The following FGGY variants were observed in gnomAD, a reference collection of about 807,000 sequenced individuals.
FGGY encodes FGGY carbohydrate kinase domain-containing protein.
A neutral mutation model predicts 71.3 loss-of-function variants in FGGY; 72 were observed. The ratio of observed to expected loss-of-function variants is 1.01; its 90% CI spans 0.84 to 1.23. The LOEUF is 1.23. Ranked by LOEUF, FGGY falls within the 50% of genes most tolerant of loss-of-function variation. The pLI, the probability that FGGY is intolerant of heterozygous loss-of-function variation, is 0.00. For synonymous variants in FGGY, 251 were observed against 250.3 expected, an observed-to-expected ratio of 1.00 and a Z score of -0.02; for missense variants, 668 against 682.3, an observed-to-expected ratio of 0.98 and a Z score of 0.23.
In FGGY at chr1:59,512,392, G is replaced by A. The variant is rs753374977; in HGVS notation, c.752G>A (p.Gly251Glu). The change falls in exon 7 of 16, where the codon GGG (glycine) becomes GAG (glutamate). Residue 251 changes from glycine to glutamate, a missense_variant. Transcript: ENST00000303721. ...EAARDLGLLP[G>E]IAVAASLIDA... Reference sequence around the variant, plus strand: ...GCAAGAGACCTTGGCCTTCTCCCTGGGATTGCGGTCGCAGCTTCACTCATT... The same window carrying A: ...GCAAGAGACCTTGGCCTTCTCCCTGAGATTGCGGTCGCAGCTTCACTCATT... 17 of 1,613,726 alleles carry A rather than the reference G, an allele frequency of 1.1e-5. No homozygotes were observed. The highest frequency in any genetic ancestry group is 2.7e-5 in the African/African-American group (2 of 74,916).
chr1:59,309,011 G>A (rs972125682), intron 1 of FGGY, among the ~76,000 whole-genome samples: 1 of 152,008 alleles, frequency 6.6e-6, no homozygotes, highest in Non-Finnish European at 1.5e-5. Context: ...AAAGGTTGTG[G>A]TGGATTTTTT....
At chr1:59,645,384 C>T (rs2097083584) in intron 11 of FGGY, among the ~76,000 whole-genome samples, 1 of 152,146 alleles carries the variant, frequency 6.6e-6, no homozygotes, top group Admixed American at 6.5e-5. Context: ...CTTTTGAACC[C>T]TGAGCAGCCA....
chr1:59,380,932 A>G (rs1298496849), intron 5 of FGGY, among the ~76,000 whole-genome samples: 1 of 148,018 alleles, frequency 6.8e-6, no homozygotes, highest in Non-Finnish European at 1.5e-5. Flanking sequence ...TAGTTCTAAC[A>G]TGTAAGTCTT....
chr1:59,582,061 C>A lies in FGGY; in HGVS notation c.904-25742C>A, dbSNP rs141553385. Among the ~76,000 whole-genome samples the A allele has an allele frequency of 1.4e-3, 214 of 149,318 alleles. 21 individuals carry two copies. The highest frequency in any genetic ancestry group is 5.4e-3 in the African/African-American group (210 of 39,224). The stretch of plus-strand genomic sequence containing the variant: ...GCCAGGAGTTTGAGACCAGCCTGGG[C>A]AACATAGTGAGACCCTTCTCTCTTA... On this transcript the variant is annotated intron_variant, in intron 8 of 15. Transcript: ENST00000303721.
At chr1:59,595,886 G>T (rs528402579) in intron 8 of FGGY, among the ~76,000 whole-genome samples, 13 of 152,022 alleles carry the variant, frequency 8.6e-5, no homozygotes, top group Non-Finnish European at 1.9e-4. Flanking sequence ...TTAAAATCAG[G>T]CCTGCTTCAC....
chr1:59,363,737 C>T (rs547609259), intron 4 of FGGY, among the ~76,000 whole-genome samples: 1 of 152,322 alleles, frequency 6.6e-6, no homozygotes, highest in African/African-American at 2.4e-5. Context: ...GCTAAAGAGG[C>T]AGCCAGGAAT....
At chr1:59,685,283 C>G (rs1000778067) in intron 14 of FGGY, among the ~76,000 whole-genome samples, 1 of 151,900 alleles carries the variant, frequency 6.6e-6, no homozygotes, top group African/African-American at 2.4e-5. Flanking sequence ...CTGTGGTGAC[C>G]CTTTGACAGG....
chr1:59,351,643 A>G (rs75362460), intron 4 of FGGY, among the ~76,000 whole-genome samples: 3,717 of 152,290 alleles, frequency 0.024, 173 homozygotes, highest in African/African-American at 0.086. Flanking sequence ...GAATGACTCA[A>G]TAACTCAATA....
intron 7 of FGGY, among the ~76,000 whole-genome samples, chr1:59,533,160 C>T (rs931917232): frequency 3.3e-4 from 50 of 152,176 alleles, no homozygotes; most frequent in African/African-American, 1.2e-3. Context: ...GCACCATGCA[C>T]GAGCTGAAGC....
intron 10 of FGGY, chr1:59,626,595 C>T (rs1240739894): frequency 6.6e-6 from 1 of 152,224 alleles, no homozygotes; most frequent in South Asian, 2.1e-4. Context: ...CGGTGGCTCA[C>T]TCCTGTAACC....
chr1:59,761,056 T>G (rs1416986281), intron 15 of FGGY, among the ~76,000 whole-genome samples: 5 of 152,222 alleles, frequency 3.3e-5, no homozygotes, highest in Non-Finnish European at 7.3e-5. Flanking sequence ...TATCACTTAT[T>G]ATGAGTCAGG....
At chr1:59,757,192 A>G (rs1227929093) in intron 14 of FGGY, among the ~76,000 whole-genome samples, 2 of 152,222 alleles carry the variant, frequency 1.3e-5, no homozygotes, top group East Asian at 1.9e-4. Context: ...TTACTTTCTC[A>G]TGGCCTTAAC....
chr1:59,434,636 C>T (rs968327046), intron 5 of FGGY, among the ~76,000 whole-genome samples: 5 of 152,204 alleles, frequency 3.3e-5, no homozygotes, highest in Non-Finnish European at 7.4e-5. Context: ...ATCCAGGCCC[C>T]AGTTTATTCC....
At chr1:59,308,296 G>A (rs1011866274) in intron 1 of FGGY, among the ~76,000 whole-genome samples, 2 of 152,194 alleles carry the variant, frequency 1.3e-5, no homozygotes, top group African/African-American at 4.8e-5. Context: ...AAAAAAGGCT[G>A]TTTGGATGAT....
intron 5 of FGGY, among the ~76,000 whole-genome samples, chr1:59,390,138 G>GA (rs557268969): frequency 1.6e-3 from 237 of 152,206 alleles, no homozygotes; most frequent in African/African-American, 5.6e-3. Context: ...TAATAGTGCT[G>GA]AGAAATAACC....
chr1:59,471,125 G>T (rs190113590), intron 6 of FGGY, among the ~76,000 whole-genome samples: 48 of 152,314 alleles, frequency 3.2e-4, no homozygotes, highest in Admixed American at 3.0e-3. Flanking sequence ...CATATATCAA[G>T]GGGGAGACTT....
At chr1:59,474,933 G>A (rs2093185392) in intron 6 of FGGY, among the ~76,000 whole-genome samples, 1 of 152,128 alleles carries the variant, frequency 6.6e-6, no homozygotes, top group Non-Finnish European at 1.5e-5. Context: ...ATGAAGATTA[G>A]TAAGTATATC....
At chr1:59,740,410 C>T (rs2098137971) in intron 14 of FGGY, among the ~76,000 whole-genome samples, 1 of 152,224 alleles carries the variant, frequency 6.6e-6, no homozygotes, top group African/African-American at 2.4e-5. Context: ...GCCATTAAAT[C>T]TCCCAGCTTT....
chr1:59,688,785 T>C (rs1347449138), intron 14 of FGGY, among the ~76,000 whole-genome samples: 1 of 151,536 alleles, frequency 6.6e-6, no homozygotes, highest in Admixed American at 6.6e-5. Flanking sequence ...AGTCTCACTC[T>C]GTCGCCTAGG....
Sources: allele counts gnomAD v4.1 joint callset (sites outside exome capture counted in the v4.1 genomes callset), GRCh38; gene constraint gnomAD v4.1.1; transcripts MANE v1.5; gene names NCBI Gene and HGNC (gene_info 2026-07-23, HGNC 2026-07-21).